Variants in PCDHA1 observed in about 807,000 individuals in gnomAD.
PCDHA1 encodes protocadherin alpha 1.
Under a neutral mutation model 61.3 loss-of-function variants are expected in PCDHA1, and 42 were observed. The ratio of observed to expected loss-of-function variants is 0.69; its 90% CI spans 0.54 to 0.89. PCDHA1 has a LOEUF of 0.89. Ranked by LOEUF, PCDHA1 falls within the 40% of genes least tolerant of loss-of-function variation. PCDHA1 has a pLI of 0.00. For missense variants in PCDHA1, 1,256 were observed against 1,235.3 expected (o/e 1.02, Z -0.25); for synonymous variants, 610 against 553.8 (o/e 1.10, Z -1.43).
intron 3 of PCDHA1, among the ~76,000 whole-genome samples, chr5:140,999,159 G>T (rs1056236953): frequency 6.6e-6 from 1 of 152,182 alleles, no homozygotes; most frequent in Non-Finnish European, 1.5e-5. Flanking sequence ...CAGTCCCCTA[G>T]AAGGAAAAGA....
At position 140,870,696 on chromosome 5, in the gene PCDHA1, G is replaced by A. The variant is rs377050637; in HGVS notation, c.2394+82012G>A. The A allele has an allele frequency of 1.1e-5, 17 of 1,612,906 alleles. No individual in the cohort carries two copies. The African/African-American group carries it at 1.9e-4, about 18-fold the overall frequency. ...ACCACGAGGAGCTGGAGCTGCTACA[G>A]TTCCAGGTGAGCGCGCGCGATGCGG... On this transcript the variant is annotated intron_variant, in intron 1 of 3. Coordinates refer to ENST00000504120, the MANE Select transcript of PCDHA1 (RefSeq NM_018900.4).
intron 1 of PCDHA1, among the ~76,000 whole-genome samples, chr5:140,955,497 A>T (rs879951352): frequency 2.0e-5 from 3 of 152,100 alleles, no homozygotes; most frequent in Non-Finnish European, 4.4e-5. Flanking sequence ...CCACCATGTG[A>T]AGAAAGACGT....
At chr5:140,824,331 T>C (rs1223320069) in intron 1 of PCDHA1, 1 of 643,184 alleles carries the variant, frequency 1.6e-6, no homozygotes, top group African/African-American at 1.8e-5. Flanking sequence ...TCTGTGATAT[T>C]AAGTGTTTTT....
rs908218007 is a variant in PCDHA1 at position 140,929,518 on chromosome 5, T to C, written c.2395-49431T>C. On this transcript the variant is annotated intron_variant, in intron 1 of 3. Transcript: ENST00000504120. ...ATTGCCCTAGGCCTCAAGGGACTTA[T>C]AGTTTATTTTTGAGAAACAAGGGCA... 7 of 753,028 alleles carry C rather than the reference T, an allele frequency of 9.3e-6. No homozygotes were observed. The Admixed American group carries it at 1.2e-4, about 13-fold the overall frequency. The allele number at this position is 753,028 out of a possible 1,614,324, so 46.6% of individuals were successfully genotyped here. A position where few individuals can be genotyped will look rare whatever the true frequency, so the allele number is the denominator to read the frequency against.
chr5:140,933,522 T>A (rs1399438253), intron 1 of PCDHA1, among the ~76,000 whole-genome samples: 3 of 152,066 alleles, frequency 2.0e-5, no homozygotes, highest in Non-Finnish European at 4.4e-5. Flanking sequence ...AGCTGTTTTG[T>A]TTAAACTCAA....
intron 1 of PCDHA1, among the ~76,000 whole-genome samples, chr5:140,976,726 T>C (rs2096728998): frequency 6.6e-6 from 1 of 152,202 alleles, no homozygotes; most frequent in East Asian, 1.9e-4. Context: ...TTCATTTATT[T>C]AAACACATTT....
At chr5:140,841,754 T>A in intron 1 of PCDHA1, 1 of 1,613,818 alleles carries the variant, frequency 6.2e-7, no homozygotes, top group Non-Finnish European at 8.5e-7. Context: ...TGTTTCAGAA[T>A]CCAGAATGCC....
At position 140,786,253 on chromosome 5, in the gene PCDHA1, G is replaced by A. The variant is rs999359053; in HGVS notation, c.-38G>A. ...TTAGATAAAATGGCATGATTTTGAA[G>A]TAAGAGGAGAGCATAAGAAAGGTGT... On this transcript the variant is annotated 5_prime_UTR_variant, in exon 1 of 4. Coordinates refer to ENST00000504120, the MANE Select transcript of PCDHA1 (RefSeq NM_018900.4). The A allele has an allele frequency of 2.6e-6, 4 of 1,535,512 alleles. No homozygotes were observed. The highest frequency in any genetic ancestry group is 2.8e-5 in the African/African-American group (2 of 72,204).
At chr5:140,821,789 G>T (rs1199538378) in intron 1 of PCDHA1, 1 of 1,611,922 alleles carries the variant, frequency 6.2e-7, no homozygotes, top group Admixed American at 1.7e-5. Context: ...GTATATTCCC[G>T]GAGAGGAAGT....
chr5:140,850,792 A>C (rs1280178447), intron 1 of PCDHA1: 1 of 1,598,354 alleles, frequency 6.3e-7, no homozygotes, highest in African/African-American at 1.3e-5. Flanking sequence ...GGTAAGCAGA[A>C]GACCGACCTC....
chr5:140,831,527 T>A (rs2150196038), intron 1 of PCDHA1, among the ~76,000 whole-genome samples: 12 of 148,212 alleles, frequency 8.1e-5, no homozygotes, highest in Non-Finnish European at 1.8e-4. Context: ...CACCTTTTTT[T>A]TTTTTTTTTT....
intron 1 of PCDHA1, chr5:140,803,077 A>T (rs782345607): frequency 2.5e-6 from 4 of 1,613,816 alleles, no homozygotes; most frequent in Non-Finnish European, 3.4e-6. Context: ...GTGGGGCTGT[A>T]CACGGGAGAG....
At chr5:140,796,323 G>A (rs1554119843) in intron 1 of PCDHA1, 3 of 1,614,066 alleles carry the variant, frequency 1.9e-6, no homozygotes, top group Non-Finnish European at 1.7e-6. Flanking sequence ...ACAACGCGCC[G>A]GCGTTCGCAC....
At chr5:140,882,301 G>T in intron 1 of PCDHA1, 1 of 1,613,800 alleles carries the variant, frequency 6.2e-7, no homozygotes, top group Non-Finnish European at 8.5e-7. Context: ...GCCCAAGACC[G>T]CGGCAACTAC....
intron 1 of PCDHA1, chr5:140,835,863 C>A (rs1214782595): frequency 1.2e-6 from 2 of 1,611,982 alleles, no homozygotes; most frequent in East Asian, 2.2e-5. Flanking sequence ...GTCCTACTCG[C>A]TGGTGGAGCT....
intron 3 of PCDHA1, among the ~76,000 whole-genome samples, chr5:141,000,419 ATATTTTT>A (rs1397100244): frequency 3.9e-4 from 24 of 60,984 alleles, no homozygotes; most frequent in African/African-American, 1.8e-3. Flanking sequence ...ATATATATAT[ATATTTTT>A]TTTTTTTTTT....
Position 141,011,614 on chromosome 5 carries a change from T to C in PCDHA1, c.*1677T>C, listed in dbSNP as rs1268321894. On this transcript the variant is annotated 3_prime_UTR_variant, in exon 4 of 4. Transcript: ENST00000504120. ...GTGATTCAAGGAATTTTATTTATGG[T>C]CCAGCCAAGAGCCATCTCGTGCCAA... 5 of 153,774 alleles carry C rather than the reference T, an allele frequency of 3.3e-5. No individual in the cohort carries two copies. Among genetic ancestry groups the C allele is most frequent in the African/African-American group, 1.2e-4 (5 of 41,460 alleles). 9.5% of individuals were successfully genotyped at this position (153,774 alleles called of 1,614,324 possible). A position where few individuals can be genotyped will look rare whatever the true frequency, so the allele number is the denominator to read the frequency against.
chr5:140,879,126 G>T (rs2057860982), intron 1 of PCDHA1, among the ~76,000 whole-genome samples: 2 of 152,182 alleles, frequency 1.3e-5, no homozygotes, highest in Admixed American at 1.3e-4. Context: ...GATTAGAGCA[G>T]GGGAGATTGT....
At chr5:140,986,397 C>T (rs943993265) in intron 3 of PCDHA1, among the ~76,000 whole-genome samples, 8 of 152,280 alleles carry the variant, frequency 5.3e-5, no homozygotes, top group Admixed American at 3.9e-4. Flanking sequence ...AAGGGCCAGT[C>T]GCTCATGTTA....
Sources: allele counts gnomAD v4.1 joint callset (sites outside exome capture counted in the v4.1 genomes callset), GRCh38; gene constraint gnomAD v4.1.1; transcripts MANE v1.5; gene names NCBI Gene and HGNC (gene_info 2026-07-23, HGNC 2026-07-21).